UNC13B: variants seen among roughly 807,000 people sequenced by gnomAD.
The protein encoded by UNC13B is protein unc-13 homolog B.
A neutral mutation model predicts 211.0 loss-of-function variants in UNC13B; 144 were observed. The observed-to-expected ratio is 0.68, with a 90% CI of 0.60 to 0.78. UNC13B has a LOEUF of 0.78. UNC13B is among the 30% of genes least tolerant of loss of function. The probability of loss-of-function intolerance (pLI) is 0.00; values close to 1 mark genes in which losing one functional copy is unlikely to be tolerated. For missense variants in UNC13B, 1,777 were observed against 2,002.0 expected (o/e 0.89, Z 2.14); for synonymous variants, 709 against 725.8 (o/e 0.98, Z 0.37).
intron 8 of UNC13B, among the ~76,000 whole-genome samples, chr9:35,299,341 A>C (rs1351735082): frequency 1.3e-5 from 2 of 152,194 alleles, no homozygotes. Flanking sequence ...TTTCTTATTA[A>C]AAGAAATATG....
chr9:35,197,781 A>G (rs903502262), intron 1 of UNC13B, among the ~76,000 whole-genome samples: 6 of 152,044 alleles, frequency 3.9e-5, no homozygotes, highest in Non-Finnish European at 5.9e-5. Flanking sequence ...TCCTGCTCCA[A>G]CCGGGTAAGA....
intron 1 of UNC13B, among the ~76,000 whole-genome samples, chr9:35,178,828 C>A (rs189880199): frequency 1.4e-4 from 19 of 134,540 alleles, no homozygotes; most frequent in South Asian, 4.9e-4. Context: ...GCGGAGGTTG[C>A]AGTGAGCTGA....
intron 1 of UNC13B, among the ~76,000 whole-genome samples, chr9:35,167,538 T>C (rs1322489368): frequency 6.6e-6 from 1 of 151,982 alleles, no homozygotes; most frequent in Non-Finnish European, 1.5e-5. Flanking sequence ...ATTCAGGATA[T>C]TTTTCTTTTC....
At chr9:35,253,326 G>A (rs1330662544) in intron 6 of UNC13B, among the ~76,000 whole-genome samples, 4 of 152,106 alleles carry the variant, frequency 2.6e-5, no homozygotes, top group Admixed American at 2.6e-4. Context: ...TTTTTTTGTG[G>A]AGGTGGGGTC....
At chr9:35,221,147 C>T (rs943141916) in intron 1 of UNC13B, among the ~76,000 whole-genome samples, 3 of 152,100 alleles carry the variant, frequency 2.0e-5, no homozygotes, top group Non-Finnish European at 4.4e-5. Context: ...CAGCTCACTG[C>T]GAACTCTGCC....
chr9:35,174,498 G>A (rs1821509233), intron 1 of UNC13B, among the ~76,000 whole-genome samples: 1 of 150,788 alleles, frequency 6.6e-6, no homozygotes, highest in African/African-American at 2.4e-5. Context: ...CTAATTTCTT[G>A]TATTTTTAGT....
intron 6 of UNC13B, among the ~76,000 whole-genome samples, chr9:35,252,449 C>T (rs759123518): frequency 2.3e-4 from 35 of 151,888 alleles, no homozygotes; most frequent in African/African-American, 4.3e-4. Context: ...AGATTACAGG[C>T]GTGCACTACC....
intron 1 of UNC13B, among the ~76,000 whole-genome samples, chr9:35,227,022 G>A (rs1349126082): frequency 6.6e-6 from 1 of 152,150 alleles, no homozygotes; most frequent in Non-Finnish European, 1.5e-5. Flanking sequence ...CTTTAGCCAG[G>A]CTATTCAGAG....
intron 1 of UNC13B, among the ~76,000 whole-genome samples, chr9:35,183,984 C>T (rs1182109959): frequency 2.6e-4 from 39 of 150,688 alleles, no homozygotes; most frequent in African/African-American, 8.6e-4. Flanking sequence ...AGAGGCGCTC[C>T]TCACCTCCCA....
At chr9:35,187,512 G>T (rs994967786) in intron 1 of UNC13B, among the ~76,000 whole-genome samples, 4 of 152,152 alleles carry the variant, frequency 2.6e-5, no homozygotes, top group Admixed American at 1.3e-4. Flanking sequence ...TCTCTCTCCA[G>T]TCTTTATTTT....
intron 11 of UNC13B, chr9:35,353,666 C>T: frequency 1.6e-6 from 2 of 1,232,104 alleles, no homozygotes; most frequent in South Asian, 4.1e-5. Flanking sequence ...GAGCCTAGAG[C>T]AAGTGTGTAC....
In UNC13B at chr9:35,386,163, A is replaced by T. The variant is rs1835176379; in HGVS notation, c.10966-2A>T. 1 of 1,613,952 alleles carries T rather than the reference A, an allele frequency of 6.2e-7. No homozygotes were observed. Among genetic ancestry groups the T allele is most frequent in the African/African-American group, 1.3e-5 (1 of 74,924 alleles). On this transcript the variant is annotated splice_acceptor_variant, in intron 23 of 39. Transcript: ENST00000635942. LOFTEE classifies it high-confidence loss of function. ...GCCCATATTTCTTCTTTTAATTGGC[A>T]GGTACAAGAACTGCAAAGCCCTCCA...
Position 35,303,279 on chromosome 9 carries a change from T to C in UNC13B, c.3875T>C (p.Leu1292Pro), listed in dbSNP as rs569074788. Residue 1292 changes from leucine (L) to proline (P), a missense_variant, in exon 9 of 40, where the codon CTT becomes CCT. Leu to Pro is a moderately conservative substitution (Grantham distance 98). Transcript: ENST00000635942. ...KHHPSSENIV[L>P]HCAPSAQLGF... ...CACCCCTCCTCTGAGAACATTGTAC[T>C]TCACTGTGCTCCAAGTGCTCAGCTA... 5.0e-6 allele frequency: 2 copies of C among 398,468 alleles called. No individual in the cohort carries two copies. Among genetic ancestry groups the C allele is most frequent in the Non-Finnish European group, 8.9e-6 (2 of 225,742 alleles). 24.7% of individuals were successfully genotyped at this position (398,468 alleles called of 1,614,324 possible).
intron 1 of UNC13B, among the ~76,000 whole-genome samples, chr9:35,196,476 GT>G (rs1044196210): frequency 6.6e-6 from 1 of 152,154 alleles, no homozygotes; most frequent in East Asian, 1.9e-4. Flanking sequence ...GAAGTTACAT[GT>G]TTTTTTGAGG....
chr9:35,325,986 G>A (rs1830983366), intron 11 of UNC13B, among the ~76,000 whole-genome samples: 1 of 152,164 alleles, frequency 6.6e-6, no homozygotes, highest in Non-Finnish European at 1.5e-5. Context: ...TTTTGGGTAT[G>A]CACTTAGGAA....
intron 7 of UNC13B, among the ~76,000 whole-genome samples, chr9:35,294,418 C>T (rs1183091402): frequency 2.0e-5 from 3 of 152,014 alleles, no homozygotes; most frequent in East Asian, 1.9e-4. Flanking sequence ...GCGATTCTTC[C>T]GCCTAAGCCT....
intron 11 of UNC13B, among the ~76,000 whole-genome samples, chr9:35,339,235 C>T (rs1007038554): frequency 1.3e-4 from 20 of 152,216 alleles, no homozygotes; most frequent in African/African-American, 4.8e-4. Flanking sequence ...TTTTCCAGTT[C>T]TGCCCAGCTA....
chr9:35,360,041 A>G (rs923418804), intron 11 of UNC13B, among the ~76,000 whole-genome samples: 7 of 152,092 alleles, frequency 4.6e-5, no homozygotes, highest in Non-Finnish European at 5.9e-5. Flanking sequence ...TTATGCTCTC[A>G]CCTCAGGCTT....
intron 18 of UNC13B, 91 bp from the exon 19 acceptor site, chr9:35,381,009 G>A (rs1834792498): frequency 7.9e-6 from 10 of 1,273,346 alleles, no homozygotes; most frequent in East Asian, 7.4e-5. Context: ...CCTTGGGTTG[G>A]CCCCTTCTCT....
Sources: allele counts gnomAD v4.1 joint callset (sites outside exome capture counted in the v4.1 genomes callset), GRCh38; gene constraint gnomAD v4.1.1; transcripts MANE v1.5; gene names NCBI Gene and HGNC (gene_info 2026-07-23, HGNC 2026-07-21).